Variants in RAP1GAP2 observed in about 807,000 individuals in gnomAD.
The protein encoded by RAP1GAP2 is RAP1 GTPase activating protein 2.
RAP1GAP2 carries 27 observed loss-of-function variants against 95.0 expected under a neutral mutation model. The observed-to-expected ratio is 0.28, with a 90% CI of 0.21 to 0.39. The LOEUF is 0.39. RAP1GAP2 is among the 10% of genes least tolerant of loss of function. The probability of loss-of-function intolerance (pLI) is 1.00; values close to 1 mark genes in which losing one functional copy is unlikely to be tolerated. For synonymous variants in RAP1GAP2, 373 were observed against 380.9 expected (o/e 0.98, Z 0.24); for missense variants, 771 against 970.0 (o/e 0.79, Z 2.72).
intron 3 of RAP1GAP2, among the ~76,000 whole-genome samples, chr17:2,953,341 A>AG (rs2151462632): frequency 6.6e-6 from 1 of 152,190 alleles, no homozygotes; most frequent in African/African-American, 2.4e-5. Flanking sequence ...CTAGGATTAC[A>AG]GGTGTGAACC....
chr17:2,797,698 T>C lies in RAP1GAP2; in HGVS notation c.44+1127T>C. ...ACTCCATGTTTGGCAGATGGGATGGTGCGGATGAGAAGATGGCACAGCGTC... is the reference window on the plus strand; with the variant it reads ...ACTCCATGTTTGGCAGATGGGATGGCGCGGATGAGAAGATGGCACAGCGTC... On this transcript the variant is annotated intron_variant, in intron 1 of 24. Transcript: ENST00000254695. This position sits in a 1 kb window ranked among gnomAD's most constrained non-coding sequence, Gnocchi z 5.6. The C allele has an allele frequency of 1.0e-6, 1 of 985,274 alleles. No individual in the cohort carries two copies. The highest frequency in any genetic ancestry group is 1.2e-6 in the Non-Finnish European group (1 of 829,882). 61.0% of individuals were successfully genotyped at this position (985,274 alleles called of 1,614,324 possible).
chr17:2,844,328 C>T (rs945528755), intron 2 of RAP1GAP2, among the ~76,000 whole-genome samples: 2 of 152,092 alleles, frequency 1.3e-5, no homozygotes, highest in South Asian at 4.1e-4. Context: ...CCGGCCAGCG[C>T]GGTTTCTGAA....
At position 2,796,617 on chromosome 17, in the gene RAP1GAP2, G is replaced by T; in HGVS notation, c.44+46G>T. The T allele has an allele frequency of 6.5e-7, 1 of 1,548,314 alleles. No individual in the cohort carries two copies. Among genetic ancestry groups the T allele is most frequent in the South Asian group, 1.2e-5 (1 of 83,996 alleles). ...TGGGGGAATGATGGGAGAGAACTTA[G>T]AAGTGAAGTCTTGTTAAGTGCATTG... On this transcript the variant is annotated intron_variant, in intron 1 of 24. Transcript: ENST00000254695. The surrounding 1 kb of genome is among the most constrained non-coding windows in gnomAD (Gnocchi z 4.7).
intron 2 of RAP1GAP2, among the ~76,000 whole-genome samples, chr17:2,894,645 C>T (rs1389615808): frequency 6.6e-6 from 1 of 152,140 alleles, no homozygotes; most frequent in East Asian, 1.9e-4. Flanking sequence ...TCTCGCAAAG[C>T]GACTCTCCTC....
At chr17:3,010,321 A>G (rs1349761757) in intron 17 of RAP1GAP2, among the ~76,000 whole-genome samples, 1 of 131,194 alleles carries the variant, frequency 7.6e-6, no homozygotes, top group Non-Finnish European at 1.6e-5. Context: ...GCCTGGAGAC[A>G]GGGCGAGACT....
rs189280592 is a variant in RAP1GAP2, at chr17:3,018,250, C to T, written c.1632+52C>T. The T allele has an allele frequency of 2.6e-6, 4 of 1,519,508 alleles. No homozygotes were observed. The South Asian group carries it at 4.9e-5, about 19-fold the overall frequency. 94.1% of individuals were successfully genotyped at this position (1,519,508 alleles called of 1,614,324 possible). ...CAAGTGGGTCCCAGGGAGGCCCCCC[C>T]CAGACCTATGGAGGAAGAGTGCCCC... On this transcript the variant is annotated intron_variant, in intron 18 of 24. Transcript: ENST00000254695.
chr17:2,781,580 CTG>C (rs1295946747), intron 1 of RAP1GAP2, among the ~76,000 whole-genome samples: 2 of 149,918 alleles, frequency 1.3e-5, no homozygotes, highest in Non-Finnish European at 3.0e-5. Flanking sequence ...GTGCAGGTCT[CTG>C]TGTGGGCACG....
chr17:2,893,698 A>T (rs533770291), intron 2 of RAP1GAP2, among the ~76,000 whole-genome samples: 12 of 152,216 alleles, frequency 7.9e-5, no homozygotes, highest in African/African-American at 2.6e-4. Context: ...CTCTGCTCTG[A>T]CCATGACGCT....
At chr17:2,766,456 C>T (rs2068278463) in intron 1 of RAP1GAP2, among the ~76,000 whole-genome samples, 1 of 151,868 alleles carries the variant, frequency 6.6e-6, no homozygotes, top group African/African-American at 2.4e-5. Context: ...GCCAACATGG[C>T]AGAAGCCCAT....
intron 12 of RAP1GAP2, among the ~76,000 whole-genome samples, chr17:2,991,612 G>C (rs1407570710): frequency 6.6e-6 from 1 of 152,212 alleles, no homozygotes; most frequent in Non-Finnish European, 1.5e-5. Flanking sequence ...TTCACGTTCG[G>C]CCCTGGGCCC....
chr17:2,927,403 T>C (rs1270263506), intron 3 of RAP1GAP2, among the ~76,000 whole-genome samples: 1 of 152,174 alleles, frequency 6.6e-6, no homozygotes, highest in Non-Finnish European at 1.5e-5. Context: ...TCCGCCCGCC[T>C]TGGCCTCCCA....
In RAP1GAP2 at chr17:2,855,118, CT is replaced by C. The variant is rs2072077743; in HGVS notation, c.81-50163del. On this transcript the variant is annotated intron_variant, in intron 2 of 24. Transcript: ENST00000254695. This position sits in a 1 kb window ranked among gnomAD's most constrained non-coding sequence, Gnocchi z 4.3. ...GGTGGTAGGCAGGGAATACGGGGGA[CT>C]TTGAGAAGCTGGCATGGATTGCCCT... Among the ~76,000 whole-genome samples, 1 of 152,174 alleles carries C rather than the reference CT, an allele frequency of 6.6e-6. No homozygotes were observed. Among genetic ancestry groups the C allele is most frequent in the South Asian group, 2.1e-4 (1 of 4,830 alleles).
chr17:2,864,872 C>G (rs1037310364), intron 2 of RAP1GAP2, among the ~76,000 whole-genome samples: 5 of 152,166 alleles, frequency 3.3e-5, no homozygotes, highest in African/African-American at 1.2e-4. Context: ...GGCTGCGCGT[C>G]GCAGTACAGA....
chr17:2,933,568 CGGT>C (rs1476042432), intron 3 of RAP1GAP2, among the ~76,000 whole-genome samples: 1 of 152,226 alleles, frequency 6.6e-6, no homozygotes, highest in African/African-American at 2.4e-5. Flanking sequence ...GAGAGAGACA[CGGT>C]GGAGAAGATG....
At chr17:2,986,456 A>T (rs1420507601) in intron 11 of RAP1GAP2, among the ~76,000 whole-genome samples, 1 of 152,220 alleles carries the variant, frequency 6.6e-6, no homozygotes, top group Non-Finnish European at 1.5e-5. Context: ...ATAATTACTG[A>T]ACATGAGCCA....
chr17:2,965,163 A>G lies in RAP1GAP2; in HGVS notation c.493-377A>G. 1 of 217,086 alleles carries G rather than the reference A, an allele frequency of 4.6e-6. No homozygotes were observed. Among genetic ancestry groups the G allele is most frequent in the South Asian group, 7.5e-5 (1 of 13,276 alleles). 13.4% of individuals were successfully genotyped at this position (217,086 alleles called of 1,614,324 possible). A position where few individuals can be genotyped will look rare whatever the true frequency, so the allele number is the denominator to read the frequency against. On this transcript the variant is annotated intron_variant, in intron 7 of 24. Coordinates refer to ENST00000254695, the MANE Select transcript of RAP1GAP2 (RefSeq NM_015085.5). The surrounding 1 kb of genome is among the most constrained non-coding windows in gnomAD (Gnocchi z 4.7). ...ATGTGGACTCGGTATCTTGTGGTTA[A>G]GAACTTGCCCTTCAGAGTCAAGACA...
chr17:2,978,935 C>CAAATAAAT (rs554801919), intron 8 of RAP1GAP2, among the ~76,000 whole-genome samples: 21 of 102,176 alleles, frequency 2.1e-4, no homozygotes, highest in African/African-American at 7.2e-4. Context: ...AACTCTGTCT[C>CAAATAAAT]AAATAAATAA....
At chr17:2,816,083 A>G (rs1473424986) in intron 2 of RAP1GAP2, among the ~76,000 whole-genome samples, 4 of 152,190 alleles carry the variant, frequency 2.6e-5, no homozygotes, top group Non-Finnish European at 5.9e-5. Context: ...CTGGGAGCCC[A>G]AGGTGCCCCT....
At chr17:2,967,785 G>A (rs544512724) in intron 8 of RAP1GAP2, among the ~76,000 whole-genome samples, 13 of 152,314 alleles carry the variant, frequency 8.5e-5, no homozygotes, top group African/African-American at 2.9e-4. Flanking sequence ...TCCCCTGCTG[G>A]CGGTGACTAC....
Sources: allele counts gnomAD v4.1 joint callset (sites outside exome capture counted in the v4.1 genomes callset), GRCh38; gene constraint gnomAD v4.1.1; non-coding constraint Gnocchi (gnomAD v3.1); transcripts MANE v1.5; gene names NCBI Gene and HGNC (gene_info 2026-07-23, HGNC 2026-07-21).